Variants in DAB1 observed in about 807,000 individuals in gnomAD.
The protein encoded by DAB1 is disabled homolog 1.
In DAB1, 15 loss-of-function variants were observed where a neutral mutation model predicts 64.6. The observed-to-expected ratio is 0.23, with a 90% CI of 0.16 to 0.36. The LOEUF is 0.36. Ranked by LOEUF, DAB1 falls within the 10% of genes least tolerant of loss-of-function variation. The probability of loss-of-function intolerance (pLI) is 1.00; values close to 1 mark genes in which losing one functional copy is unlikely to be tolerated. For synonymous variants in DAB1, 235 were observed against 251.9 expected, an observed-to-expected ratio of 0.93 and a Z score of 0.64; for missense variants, 596 against 706.7, an observed-to-expected ratio of 0.84 and a Z score of 1.78.
At chr1:58,249,757 G>T (rs1660715361) in intron 4 of DAB1, among the ~76,000 whole-genome samples, 1 of 152,070 alleles carries the variant, frequency 6.6e-6, no homozygotes, top group Admixed American at 6.5e-5. Flanking sequence ...GGCCTCGACT[G>T]GGGTGTCAGG....
intron 5 of DAB1, among the ~76,000 whole-genome samples, chr1:58,090,703 C>T (rs1650601035): frequency 6.6e-6 from 1 of 152,118 alleles, no homozygotes; most frequent in Non-Finnish European, 1.5e-5. Flanking sequence ...TAGGGAGGGA[C>T]AATTCAGACA....
At chr1:57,152,975 T>C (rs887448920) in intron 2 of DAB1, among the ~76,000 whole-genome samples, 1 of 152,158 alleles carries the variant, frequency 6.6e-6, no homozygotes, top group African/African-American at 2.4e-5. Context: ...CTAAGATAGA[T>C]ATATTTCTGT....
intron 5 of DAB1, among the ~76,000 whole-genome samples, chr1:58,078,631 A>G (rs954942706): frequency 1.3e-5 from 2 of 152,186 alleles, no homozygotes; most frequent in African/African-American, 4.8e-5. Context: ...CAATAAAGAT[A>G]AATAGTATTT....
intron 14 of DAB1, among the ~76,000 whole-genome samples, chr1:57,009,996 C>T: frequency 6.6e-6 from 1 of 152,176 alleles, no homozygotes. Context: ...CTTTGAATTT[C>T]ACATCAGAAA....
intron 3 of DAB1, among the ~76,000 whole-genome samples, chr1:58,498,626 A>G (rs188546571): frequency 1.1e-4 from 17 of 152,308 alleles, no homozygotes; most frequent in Admixed American, 4.6e-4. Flanking sequence ...CAAAAACTCT[A>G]TAAAGGAAAT....
At chr1:58,377,919 T>C (rs1472822174) in intron 3 of DAB1, among the ~76,000 whole-genome samples, 1 of 142,326 alleles carries the variant, frequency 7.0e-6, no homozygotes, top group South Asian at 2.2e-4. Flanking sequence ...TCTCGCTTCA[T>C]TTCATTCATT....
At chr1:58,463,753 G>C (rs1229843856) in intron 3 of DAB1, among the ~76,000 whole-genome samples, 1 of 152,234 alleles carries the variant, frequency 6.6e-6, no homozygotes, top group Non-Finnish European at 1.5e-5. Flanking sequence ...ATTTACAGAT[G>C]TGGATGGCCA....
chr1:57,093,282 C>T (rs145270411), intron 4 of DAB1, among the ~76,000 whole-genome samples: 77 of 152,236 alleles, frequency 5.1e-4, no homozygotes, highest in African/African-American at 1.8e-3. Flanking sequence ...AAAAAGGTCC[C>T]CTGGTCAGAG....
intron 10 of DAB1, among the ~76,000 whole-genome samples, chr1:57,025,643 G>A (rs797012604): frequency 6.6e-5 from 10 of 152,252 alleles, no homozygotes; most frequent in African/African-American, 1.4e-4. Flanking sequence ...CCAACCAGAC[G>A]ATGTGCCCCT....
rs542161733 is a variant in DAB1 at position 57,300,010 on chromosome 1, T to A, written c.-136-8844A>T. ...CCTCATCCTCTTTTTCTCTACCCTC[T>A]CATACAGCTGCGTGTCTGTCTCCCC... On this transcript the variant is annotated intron_variant, in intron 1 of 14. Coordinates refer to ENST00000371236, the MANE Select transcript of DAB1 (RefSeq NM_001365792.1). Among the ~76,000 whole-genome samples the A allele has an allele frequency of 3.3e-5, 5 of 152,240 alleles. No homozygotes were observed. In the East Asian group the frequency reaches 9.7e-4, roughly 29 times the overall value.
chr1:58,388,271 G>A (rs534828502), intron 3 of DAB1, among the ~76,000 whole-genome samples: 1 of 152,234 alleles, frequency 6.6e-6, no homozygotes, highest in Non-Finnish European at 1.5e-5. Flanking sequence ...AAGAGACCAT[G>A]TACCTACCTA....
chr1:57,872,454 C>A (rs767243414), intron 1 of DAB1, among the ~76,000 whole-genome samples: 1 of 152,196 alleles, frequency 6.6e-6, no homozygotes, highest in Non-Finnish European at 1.5e-5. Flanking sequence ...TTGGAATTCC[C>A]AGCCTTTAGA....
At position 57,314,711 on chromosome 1, in the gene DAB1, A is replaced by C. The variant is rs536774688; in HGVS notation, c.-136-23545T>G. Among the ~76,000 whole-genome samples the C allele has an allele frequency of 2.0e-5, 3 of 151,932 alleles. No homozygotes were observed. The South Asian group carries it at 6.3e-4, about 32-fold the overall frequency. On this transcript the variant is annotated intron_variant, in intron 1 of 14. Transcript: ENST00000371236. ...GGCAGAAGGATCGCTTGAGCTCAGG[A>C]GTCCCAGGCCAGCCTGGGCAACATA...
intron 2 of DAB1, among the ~76,000 whole-genome samples, chr1:57,185,817 C>T (rs1663493281): frequency 6.6e-6 from 1 of 152,094 alleles, no homozygotes; most frequent in Non-Finnish European, 1.5e-5. Context: ...CTAGGAAGTA[C>T]CAGGACACTG....
chr1:57,648,657 C>T (rs1392744507), intron 7 of DAB1, among the ~76,000 whole-genome samples: 4 of 152,164 alleles, frequency 2.6e-5, no homozygotes, highest in Admixed American at 1.3e-4. Flanking sequence ...ACAAATAGCT[C>T]CCACTCATAT....
intron 1 of DAB1, among the ~76,000 whole-genome samples, chr1:57,337,082 A>T (rs1677141704): frequency 6.6e-6 from 1 of 152,192 alleles, no homozygotes; most frequent in Non-Finnish European, 1.5e-5. Flanking sequence ...GCATTTGAAT[A>T]TCAATAGCAC....
chr1:57,827,525 G>A (rs1469636559), intron 1 of DAB1, among the ~76,000 whole-genome samples: 1 of 152,080 alleles, frequency 6.6e-6, no homozygotes, highest in South Asian at 2.1e-4. Flanking sequence ...AAATTTTGTG[G>A]GGAAAAATAA....
At chr1:58,375,757 G>A (rs1468612253) in intron 3 of DAB1, among the ~76,000 whole-genome samples, 1 of 143,796 alleles carries the variant, frequency 7.0e-6, no homozygotes, top group Admixed American at 6.9e-5. Context: ...AGAAGGAATG[G>A]TACCAGTTCC....
intron 7 of DAB1, among the ~76,000 whole-genome samples, chr1:57,448,476 T>C (rs1160572747): frequency 2.0e-5 from 3 of 152,214 alleles, no homozygotes; most frequent in Non-Finnish European, 4.4e-5. Flanking sequence ...TGGAGAGTTA[T>C]ATTCAAAATA....
Sources: allele counts gnomAD v4.1 joint callset (sites outside exome capture counted in the v4.1 genomes callset), GRCh38; gene constraint gnomAD v4.1.1; transcripts MANE v1.5; gene names NCBI Gene and HGNC (gene_info 2026-07-23, HGNC 2026-07-21).